The following SREK1 variants were observed in gnomAD, a reference collection of about 807,000 sequenced individuals.
SREK1 encodes the protein splicing regulatory glutamine/lysine-rich protein 1.
In SREK1, 13 loss-of-function variants were observed where a neutral mutation model predicts 66.5. The observed-to-expected ratio is 0.20, with a 90% CI of 0.13 to 0.31. The LOEUF (loss-of-function observed/expected upper bound fraction) is 0.31. Among genes scored for constraint, SREK1 ranks in the 10% least tolerant of loss-of-function variants. The probability of loss-of-function intolerance (pLI) is 1.00; values close to 1 mark genes in which losing one functional copy is unlikely to be tolerated. For missense variants in SREK1, 607 were observed against 769.6 expected (o/e 0.79, Z 2.50); for synonymous variants, 265 against 263.5 (o/e 1.01, Z -0.05).
At chr5:66,153,301 A>G (rs1253685573) in intron 1 of SREK1, among the ~76,000 whole-genome samples, 162 bp from the exon 2 acceptor site, 1 of 152,228 alleles carries the variant, frequency 6.6e-6, no homozygotes, top group African/African-American at 2.4e-5. Flanking sequence ...CCATTAAATG[A>G]CTAAGTTTCA....
At position 66,170,408 on chromosome 5, in the gene SREK1, A is replaced by G. The variant is rs146773176; in HGVS notation, c.1122-177A>G. ...CCAAACTACTCAGTTCAGCTTGCGT[A>G]GTATGAATAGCTTTGTTTAGCAGCT... On this transcript the variant is annotated intron_variant, in intron 8 of 11. Transcript: ENST00000334121. 4.3e-3 allele frequency among the ~76,000 whole-genome samples: 652 copies of G among 152,292 alleles called. 4 individuals carry two copies. Among genetic ancestry groups the G allele is most frequent in the African/African-American group, 0.014 (600 of 41,566 alleles).
At chr5:66,144,800 G>T in intron 1 of SREK1, 1 of 1,179,320 alleles carries the variant, frequency 8.5e-7, no homozygotes, top group South Asian at 2.9e-5. Context: ...ACTTGTGTTC[G>T]CTGCTGGGTC....
At chr5:66,144,941 A>G (rs1743030841) in intron 1 of SREK1, 2 of 991,248 alleles carry the variant, frequency 2.0e-6, no homozygotes, top group Non-Finnish European at 2.4e-6. Flanking sequence ...ACCGCGCCTG[A>G]GCCACAGTCC....
chr5:66,156,563 C>A (rs138353432), intron 2 of SREK1: 1 of 985,530 alleles, frequency 1.0e-6, no homozygotes, highest in Non-Finnish European at 1.2e-6. Context: ...CTGATCTCAG[C>A]GCAACATTTT....
At chr5:66,144,850 C>CTTA in intron 1 of SREK1, 1 of 1,062,576 alleles carries the variant, frequency 9.4e-7, no homozygotes, top group Non-Finnish European at 1.1e-6. Context: ...TCCCCCCGAA[C>CTTA]TTAAGATGGC....
At chr5:66,147,398 A>G (rs1743336346) in intron 1 of SREK1, among the ~76,000 whole-genome samples, 1 of 152,216 alleles carries the variant, frequency 6.6e-6, no homozygotes, top group Non-Finnish European at 1.5e-5. Flanking sequence ...GTACCTACAG[A>G]GAAGTGCACA....
rs780802998 is a variant in SREK1, at chr5:66,170,121, C to T, written c.1072C>T (p.Arg358Cys). Residue 358 changes from arginine (R) to cysteine (C), a missense_variant, in exon 8 of 12, where the codon CGC becomes TGC. Physicochemically the swap from Arg to Cys is radical, Grantham distance 180. Coordinates refer to ENST00000334121, the MANE Select transcript of SREK1 (RefSeq NM_001077199.3). ...RRRSKSPHKK[R>C]SKSRERRKSR... is the part of the protein sequence containing the mutation. ...TAGATCTAAGAGCCCACATAAAAAA[C>T]GCTCTAAATCAAGGGAGAGACGGAA... is the stretch of plus-strand genomic sequence containing the variant. 41 of 1,612,420 alleles carry T rather than the reference C, an allele frequency of 2.5e-5. No homozygotes were observed. Among genetic ancestry groups the T allele is most frequent in the South Asian group, 1.4e-4 (13 of 90,910 alleles).
At position 66,162,491 on chromosome 5, in the gene SREK1, G is replaced by T. The variant is rs757142407; in HGVS notation, c.654G>T (p.Glu218Asp). The T allele has an allele frequency of 6.2e-7, 1 of 1,613,980 alleles. No individual in the cohort carries two copies. The highest frequency in any genetic ancestry group is 1.3e-5 in the African/African-American group (1 of 74,892). Residue 218 changes from glutamate (E) to aspartate (D), a missense_variant, in exon 5 of 12, where the codon GAG (glutamate) becomes GAT (aspartate). By Grantham distance (45) the Glu-to-Asp change is conservative. Around this residue, in one of 5 missense-constraint regions of SREK1, gnomAD observed 3 missense variants for 31.2 expected, o/e 0.10. Transcript: ENST00000334121. ...EVKFVRMAGD[E>D]TQPTRFAFVE... ...AGTTTGTGCGGATGGCAGGTGATGA[G>T]ACTCAGCCAACTCGGTTTGCTTTTG... is the stretch of plus-strand genomic sequence containing the variant.
chr5:66,148,669 G>A (rs192113837), intron 1 of SREK1, among the ~76,000 whole-genome samples: 112 of 152,064 alleles, frequency 7.4e-4, no homozygotes, highest in Non-Finnish European at 1.4e-3. Context: ...ACCATGTTGC[G>A]CAGGCTGGAC....
intron 1 of SREK1, among the ~76,000 whole-genome samples, chr5:66,151,975 A>G (rs947150562): frequency 1.3e-5 from 2 of 149,618 alleles, no homozygotes; most frequent in African/African-American, 4.9e-5. Flanking sequence ...CCTCCTGAGT[A>G]GCTGGGACTA....
At chr5:66,178,258 G>C (rs1746230585) in intron 11 of SREK1, among the ~76,000 whole-genome samples, 2 of 151,892 alleles carry the variant, frequency 1.3e-5, no homozygotes, top group Admixed American at 1.3e-4. Flanking sequence ...CGATGTGCCG[G>C]GCACTGTTTG....
intron 6 of SREK1, chr5:66,164,463 C>A: frequency 3.9e-6 from 3 of 776,248 alleles, no homozygotes; most frequent in Admixed American, 2.9e-5. Context: ...AGAATTTAAG[C>A]TTCAAATTCT....
chr5:66,170,064 A>G lies in SREK1; in HGVS notation c.1015A>G (p.Asn339Asp). ...TTTTTTCTTTAGGAGTAGATCCCATAATAGATCACGTTCAAGACAGAAAGA... is the reference window on the plus strand; with the variant it reads ...TTTTTTCTTTAGGAGTAGATCCCATGATAGATCACGTTCAAGACAGAAAGA... Reference protein sequence around the residue: ...SQSKHRSRSHNRSRSRQKDRR... With the variant: ...SQSKHRSRSHDRSRSRQKDRR... Residue 339 changes from asparagine to aspartate, a missense_variant, in exon 8 of 12, where the codon AAT becomes GAT. Around this residue, in one of 5 missense-constraint regions of SREK1, gnomAD observed 112 missense variants for 168.6 expected, o/e 0.66. Transcript: ENST00000334121. 3.7e-6 allele frequency: 6 copies of G among 1,603,462 alleles called. No individual in the cohort carries two copies. Among genetic ancestry groups the G allele is most frequent in the Non-Finnish European group, 5.1e-6 (6 of 1,175,256 alleles).
chr5:66,153,356 T>G (rs918862032), intron 1 of SREK1, 107 bp from the exon 2 acceptor site: 20 of 1,420,610 alleles, frequency 1.4e-5, no homozygotes, highest in Admixed American at 2.3e-5. Context: ...AGTTTTAAAG[T>G]CTTAATTTCG....
Position 66,170,966 on chromosome 5 carries a change from T to A in SREK1, c.1484+19T>A. 1 of 1,574,794 alleles carries A rather than the reference T, an allele frequency of 6.4e-7. No homozygotes were observed. The highest frequency in any genetic ancestry group is 8.6e-7 in the Non-Finnish European group (1 of 1,166,336). On this transcript the variant is annotated intron_variant, in intron 9 of 11. Coordinates refer to ENST00000334121, the MANE Select transcript of SREK1 (RefSeq NM_001077199.3). ...CCAGCAGGTTTGATAATGCTTAAAA[T>A]TTTTACAAAGGGATTTGCTGATGAC... is the stretch of plus-strand genomic sequence containing the variant.
At chr5:66,177,431 G>T in intron 10 of SREK1, 83 bp from the exon 11 acceptor site, 1 of 1,094,544 alleles carries the variant, frequency 9.1e-7, no homozygotes, top group South Asian at 1.8e-5. Context: ...TAGATATCCA[G>T]TGTTAGAAAA....
In SREK1 at chr5:66,181,994, A is replaced by C. The variant is rs1746539220; in HGVS notation, c.*3126A>C. 2 of 151,440 alleles carry C rather than the reference A, an allele frequency of 1.3e-5. No homozygotes were observed. The highest frequency in any genetic ancestry group is 1.3e-4 in the Admixed American group (2 of 15,098). 9.4% of individuals were successfully genotyped at this position (151,440 alleles called of 1,614,324 possible). On this transcript the variant is annotated 3_prime_UTR_variant, in exon 12 of 12. Coordinates refer to ENST00000334121, the MANE Select transcript of SREK1 (RefSeq NM_001077199.3). ...TGTCTATGTTGCTATCTTTATTTTA[A>C]AACTTAGAACCCTGATCTAACTCCC...
intron 11 of SREK1, 77 bp from the exon 12 acceptor site, chr5:66,178,642 A>ATT: frequency 7.2e-7 from 1 of 1,386,664 alleles, no homozygotes; most frequent in Non-Finnish European, 9.6e-7. Context: ...GCAAAAGATA[A>ATT]AGTTTCACAT....
chr5:66,155,342 C>T (rs1046639535), intron 2 of SREK1, among the ~76,000 whole-genome samples: 3 of 152,102 alleles, frequency 2.0e-5, no homozygotes, highest in African/African-American at 7.2e-5. Flanking sequence ...AAACACTAAC[C>T]TACAGTTGGT....
Sources: allele counts gnomAD v4.1 joint callset (sites outside exome capture counted in the v4.1 genomes callset), GRCh38; gene constraint gnomAD v4.1.1; regional missense constraint gnomAD v4.1.1; transcripts MANE v1.5; gene names NCBI Gene and HGNC (gene_info 2026-07-23, HGNC 2026-07-21).